The following ADGRV1 variants were observed in gnomAD, a reference collection of about 807,000 sequenced individuals.
The protein encoded by ADGRV1 is G-protein coupled receptor 98.
A neutral mutation model predicts 596.2 loss-of-function variants in ADGRV1; 359 were observed. That is an observed-to-expected ratio of 0.60 (90% confidence interval 0.55 to 0.66). The LOEUF is 0.66. Among genes scored for constraint, ADGRV1 ranks in the 30% least tolerant of loss-of-function variants. The pLI is 0.00. For synonymous variants in ADGRV1, 2,681 were observed against 2,679.2 expected, an observed-to-expected ratio of 1.00 and a Z score of -0.02; for missense variants, 7,274 against 7,575.6, an observed-to-expected ratio of 0.96 and a Z score of 1.48.
At position 90,614,945 on chromosome 5, in the gene ADGRV1, GA is replaced by G; in HGVS notation, c.136del (p.Thr46GlnfsTer13). 6.3e-7 allele frequency: 1 copy of G among 1,595,816 alleles called. No individual in the cohort carries two copies. The highest frequency in any genetic ancestry group is 2.2e-5 in the East Asian group (1 of 44,486). On this transcript the variant is annotated frameshift_variant, in exon 2 of 90. Transcript: ENST00000405460. LOFTEE classifies it high-confidence loss of function. The part of the protein sequence containing the change: ...FTGQTEFVVN[E>X]TSTTVIRLII... ...TGGACAAACTGAATTTGTTGTTAAT[GA>G]AACAAGTACAACAGTTATTCGTCTT...
chr5:91,067,007 G>A (rs1345017593), intron 85 of ADGRV1, among the ~76,000 whole-genome samples: 1 of 152,324 alleles, frequency 6.6e-6, no homozygotes, highest in Admixed American at 6.5e-5. Context: ...CTTCTGAGAA[G>A]TCATGACTTG....
rs565606521 is a variant in ADGRV1, at chr5:90,669,320, G to A, written c.4753-3226G>A. Among the ~76,000 whole-genome samples the A allele has an allele frequency of 3.3e-5, 5 of 152,298 alleles. No homozygotes were observed. In the East Asian group the frequency reaches 9.7e-4, roughly 29 times the overall value. Reference sequence around the variant, plus strand: ...TTCTGTCCAACATCTTAAGGTTGGAGTGCCCTACCTTCAGGACAGTCAGTT... The same window carrying A: ...TTCTGTCCAACATCTTAAGGTTGGAATGCCCTACCTTCAGGACAGTCAGTT... On this transcript the variant is annotated intron_variant, in intron 21 of 89. Transcript: ENST00000405460.
At chr5:90,770,249 C>T (rs1757549467) in intron 59 of ADGRV1, among the ~76,000 whole-genome samples, 1 of 151,906 alleles carries the variant, frequency 6.6e-6, no homozygotes. Flanking sequence ...CTTTATAAAA[C>T]CATCAAATCT....
At chr5:91,027,144 AACACACACACACACACACACACAC>A (rs1184010778) in intron 85 of ADGRV1, among the ~76,000 whole-genome samples, 3 of 129,128 alleles carry the variant, frequency 2.3e-5, no homozygotes, top group Non-Finnish European at 4.9e-5. Flanking sequence ...ACAGTCTCAA[AACACACACACACACACACACACAC>A]ACACACACAC....
chr5:91,032,887 A>G (rs1784590474), intron 85 of ADGRV1, among the ~76,000 whole-genome samples: 1 of 152,196 alleles, frequency 6.6e-6, no homozygotes, highest in South Asian at 2.1e-4. Context: ...TATTAGTATT[A>G]GTACCCCAGC....
chr5:90,583,783 T>C (rs1758381950), intron 1 of ADGRV1, among the ~76,000 whole-genome samples: 1 of 152,212 alleles, frequency 6.6e-6, no homozygotes, highest in African/African-American at 2.4e-5. Context: ...TCATTAATGT[T>C]GGAAATAACA....
At position 90,617,971 on chromosome 5, in the gene ADGRV1, C is replaced by T; in HGVS notation, c.357+18C>T. 1 of 1,518,946 alleles carries T rather than the reference C, an allele frequency of 6.6e-7. No individual in the cohort carries two copies. Among genetic ancestry groups the T allele is most frequent in the South Asian group, 1.3e-5 (1 of 77,972 alleles). The allele number at this position is 1,518,946 out of a possible 1,614,324, so 94.1% of individuals were successfully genotyped here. A position where few individuals can be genotyped will look rare whatever the true frequency, so the allele number is the denominator to read the frequency against. ...CATTACAGGTAAGTCCGTGTTTCCT[C>T]CTTATAAAAATTATAAGGAGGACTT... On this transcript the variant is annotated intron_variant, in intron 3 of 89. Transcript: ENST00000405460.
intron 36 of ADGRV1, 40 bp downstream of exon 36, chr5:90,704,528 T>C: frequency 7.8e-7 from 1 of 1,285,970 alleles, no homozygotes; most frequent in Admixed American, 2.2e-5. Flanking sequence ...TGGTATATTC[T>C]TTTCGTAAAA....
intron 85 of ADGRV1, among the ~76,000 whole-genome samples, chr5:91,039,444 T>A (rs964803659): frequency 2.6e-5 from 4 of 152,200 alleles, no homozygotes; most frequent in Non-Finnish European, 4.4e-5. Flanking sequence ...GAAGACTGTT[T>A]GAGTCATGTA....
intron 83 of ADGRV1, among the ~76,000 whole-genome samples, chr5:90,948,635 T>C (rs866501529): frequency 3.9e-5 from 6 of 152,110 alleles, no homozygotes; most frequent in Non-Finnish European, 7.4e-5. Context: ...CCTATAAGTT[T>C]AAAATGCATT....
At chr5:90,766,133 T>A (rs994210605) in intron 59 of ADGRV1, among the ~76,000 whole-genome samples, 2 of 152,052 alleles carry the variant, frequency 1.3e-5, no homozygotes, top group Admixed American at 6.5e-5. Context: ...ATGGTCTTGA[T>A]CTCCTGACCT....
intron 20 of ADGRV1, chr5:90,654,208 A>G (rs1275330918): frequency 2.5e-5 from 12 of 480,438 alleles, no homozygotes; most frequent in African/African-American, 2.1e-4. Context: ...GATATATCAC[A>G]ATGACACCCT....
chr5:91,086,934 T>G (rs867780633), intron 86 of ADGRV1, among the ~76,000 whole-genome samples: 1 of 152,224 alleles, frequency 6.6e-6, no homozygotes, highest in Non-Finnish European at 1.5e-5. Context: ...TCAATATTCC[T>G]TCATGACCTA....
intron 56 of ADGRV1, 103 bp downstream of exon 56, chr5:90,756,733 T>C (rs1166159959): frequency 1.3e-5 from 13 of 988,384 alleles, no homozygotes; most frequent in Non-Finnish European, 1.9e-5. Context: ...TTTAAATAGA[T>C]AAATAACCAA....
At chr5:90,638,232 A>G (rs1420090175) in intron 11 of ADGRV1, among the ~76,000 whole-genome samples, 1 of 151,676 alleles carries the variant, frequency 6.6e-6, no homozygotes, top group African/African-American at 2.4e-5. Flanking sequence ...CATAGCTAAT[A>G]TGTTGTTATA....
intron 84 of ADGRV1, among the ~76,000 whole-genome samples, chr5:90,983,952 A>G (rs1780284824): frequency 6.6e-6 from 1 of 152,180 alleles, no homozygotes; most frequent in South Asian, 2.1e-4. Context: ...AAACATTAGG[A>G]ATGCTTATTT....
intron 87 of ADGRV1, among the ~76,000 whole-genome samples, chr5:91,115,879 G>A (rs955235580): frequency 1.8e-4 from 27 of 152,092 alleles, no homozygotes; most frequent in Non-Finnish European, 3.4e-4. Context: ...CACTGGAGGC[G>A]GAGGTGGCAG....
At chr5:91,090,154 C>T (rs1790259839) in intron 86 of ADGRV1, among the ~76,000 whole-genome samples, 1 of 152,094 alleles carries the variant, frequency 6.6e-6, no homozygotes, top group African/African-American at 2.4e-5. Flanking sequence ...TAATTTTTTT[C>T]TTCACTAGAA....
chr5:90,800,792 A>G (rs561067040), intron 70 of ADGRV1, among the ~76,000 whole-genome samples: 1 of 152,298 alleles, frequency 6.6e-6, no homozygotes, highest in South Asian at 2.1e-4. Flanking sequence ...TGAAGCTGGA[A>G]ACTGTCATTC....
Sources: gnomAD v4.1 joint callset for allele counts (sites outside exome capture counted in the v4.1 genomes callset) on GRCh38, gnomAD v4.1.1 for gene constraint, MANE v1.5 for transcripts, NCBI Gene and HGNC (gene_info 2026-07-23, HGNC 2026-07-21) for gene names.